APCDD1L: variants seen among roughly 807,000 people sequenced by gnomAD.
APCDD1L encodes protein APCDD1-like.
APCDD1L carries 21 observed loss-of-function variants against 24.2 expected under a neutral mutation model. The ratio of observed to expected loss-of-function variants is 0.87; its 90% CI spans 0.61 to 1.25. The LOEUF is 1.25. Among genes scored for constraint, APCDD1L ranks in the 50% most tolerant of loss-of-function variants. The probability of loss-of-function intolerance (pLI) is 0.00; values close to 1 mark genes in which losing one functional copy is unlikely to be tolerated. For missense variants in APCDD1L, 704 were observed against 711.7 expected, an observed-to-expected ratio of 0.99 and a Z score of 0.12; for synonymous variants, 321 against 323.6, an observed-to-expected ratio of 0.99 and a Z score of 0.09.
rs560237850 is a variant in APCDD1L, at chr20:58,461,398, G to A, written c.898C>T (p.Arg300Trp). ...CTGTGCCCGTGGAAAGTGAAGAGCC[G>A]GGTGAGGAACAGGACTGCTGGGCGC... ...EVRPAVLFLT[R>W]LFTFHGHSRS... is the part of the protein sequence containing the mutation. Residue 300 changes from arginine to tryptophan, a missense_variant, in exon 4 of 4, where the codon CGG (arginine) becomes TGG (tryptophan). By Grantham distance (101) the Arg-to-Trp change is moderately radical. Coordinates refer to ENST00000371149, the MANE Select transcript of APCDD1L (RefSeq NM_153360.3). The surrounding 1 kb of genome is among the most constrained non-coding windows in gnomAD (Gnocchi z 6.0). 1.5e-5 allele frequency: 23 copies of A among 1,553,790 alleles called. No individual in the cohort carries two copies. Among genetic ancestry groups the A allele is most frequent in the Middle Eastern group, 1.8e-4 (1 of 5,656 alleles).
chr20:58,470,044 G>A (rs1989781933), intron 2 of APCDD1L, among the ~76,000 whole-genome samples: 1 of 152,218 alleles, frequency 6.6e-6, no homozygotes, highest in Non-Finnish European at 1.5e-5. Flanking sequence ...AGGTTAGACA[G>A]AATTAGATGG....
At chr20:58,465,554 A>G (rs1225135383) in intron 3 of APCDD1L, among the ~76,000 whole-genome samples, 1 of 152,226 alleles carries the variant, frequency 6.6e-6, no homozygotes, top group African/African-American at 2.4e-5. Context: ...GAACACATCC[A>G]TCCATCCACA....
chr20:58,498,845 C>A (rs1444402213), intron 1 of APCDD1L, among the ~76,000 whole-genome samples: 1 of 152,240 alleles, frequency 6.6e-6, no homozygotes, highest in Non-Finnish European at 1.5e-5. Context: ...CATCTGCAGC[C>A]CCTGGCACTG....
chr20:58,467,095 C>G lies in APCDD1L; in HGVS notation c.741+11G>C. ...CACCCCCCTCTCCCACACCCCAACACACACACTCACCAGTGCGCTCTGCAG... is the reference window on the plus strand; with the variant it reads ...CACCCCCCTCTCCCACACCCCAACAGACACACTCACCAGTGCGCTCTGCAG... On this transcript the variant is annotated intron_variant, in intron 3 of 3. Transcript: ENST00000371149. The surrounding 1 kb of genome is among the most constrained non-coding windows in gnomAD (Gnocchi z 5.9). 1 of 1,594,196 alleles carries G rather than the reference C, an allele frequency of 6.3e-7. No homozygotes were observed. The highest frequency in any genetic ancestry group is 8.5e-7 in the Non-Finnish European group (1 of 1,173,612).
At chr20:58,509,421 AC>A (rs1266369142) in intron 1 of APCDD1L, among the ~76,000 whole-genome samples, 1 of 152,052 alleles carries the variant, frequency 6.6e-6, no homozygotes, top group Non-Finnish European at 1.5e-5. Flanking sequence ...TCTTAGCTAT[AC>A]CCCTGCCTAG....
chr20:58,492,779 C>T (rs1018002297), intron 1 of APCDD1L, among the ~76,000 whole-genome samples: 1 of 152,370 alleles, frequency 6.6e-6, no homozygotes, highest in Middle Eastern at 3.4e-3. Flanking sequence ...AACACATACA[C>T]ATGCACTCAC....
chr20:58,487,325 A>G (rs1468621021), intron 1 of APCDD1L, among the ~76,000 whole-genome samples: 1 of 152,064 alleles, frequency 6.6e-6, no homozygotes, highest in East Asian at 1.9e-4. Flanking sequence ...TGCTAAAATA[A>G]TAGAAGCATT....
intron 2 of APCDD1L, among the ~76,000 whole-genome samples, 161 bp downstream of exon 2, chr20:58,470,448 G>A (rs1451102623): frequency 6.6e-6 from 1 of 152,208 alleles, no homozygotes; most frequent in Non-Finnish European, 1.5e-5. Context: ...GCCTCCCATT[G>A]CACTCTGGGA....
At chr20:58,475,773 G>C (rs1221652445) in intron 1 of APCDD1L, among the ~76,000 whole-genome samples, 1 of 152,142 alleles carries the variant, frequency 6.6e-6, no homozygotes, top group East Asian at 1.9e-4. Flanking sequence ...CAAGGTGTGG[G>C]TAGGGCCTCT....
chr20:58,510,900 A>G (rs1007947453), intron 1 of APCDD1L, among the ~76,000 whole-genome samples: 1 of 152,204 alleles, frequency 6.6e-6, no homozygotes, highest in Non-Finnish European at 1.5e-5. Flanking sequence ...AAGGAGACAG[A>G]TGCTAAGTGA....
chr20:58,460,488 G>A lies in APCDD1L; in HGVS notation c.*302C>T. 3.9e-6 allele frequency: 1 copy of A among 254,602 alleles called. No individual in the cohort carries two copies. The highest frequency in any genetic ancestry group is 7.5e-6 in the Non-Finnish European group (1 of 133,844). The allele number at this position is 254,602 out of a possible 1,614,324, so 15.8% of individuals were successfully genotyped here. On this transcript the variant is annotated 3_prime_UTR_variant, in exon 4 of 4. Coordinates refer to ENST00000371149, the MANE Select transcript of APCDD1L (RefSeq NM_153360.3). The surrounding 1 kb of genome is among the most constrained non-coding windows in gnomAD (Gnocchi z 4.2). ...CCCTGACTGCACCTGTTGGCGAGCT[G>A]CCAAGGATGAGGAAAGTAGAAAAAT...
chr20:58,511,114 T>C (rs1365716674), intron 1 of APCDD1L, among the ~76,000 whole-genome samples: 4 of 152,200 alleles, frequency 2.6e-5, no homozygotes, highest in Admixed American at 2.6e-4. Flanking sequence ...GCTATCACCA[T>C]TCCCAACACA....
Position 58,494,138 on chromosome 20 carries a change from T to TGAG in APCDD1L, c.49+20518_49+20520dup, listed in dbSNP as rs1464436027. 6.6e-6 allele frequency among the ~76,000 whole-genome samples: 1 copy of TGAG among 151,980 alleles called. No individual in the cohort carries two copies. Among genetic ancestry groups the TGAG allele is most frequent in the Non-Finnish European group, 1.5e-5 (1 of 67,962 alleles). On this transcript the variant is annotated intron_variant, in intron 1 of 3. Transcript: ENST00000371149. This position sits in a 1 kb window ranked among gnomAD's most constrained non-coding sequence, Gnocchi z 4.8. The stretch of plus-strand genomic sequence containing the variant: ...CTCATCACCTTCATGTTGAGTAGGC[T>TGAG]GAGGAGGAGGAGGAAGAGGAGGGGC...
At chr20:58,483,390 G>A (rs138952823) in intron 1 of APCDD1L, among the ~76,000 whole-genome samples, 226 of 152,190 alleles carry the variant, frequency 1.5e-3, no homozygotes, top group African/African-American at 5.2e-3. Context: ...TGTTTTCTAC[G>A]CTGGCTGTGC....
In APCDD1L at chr20:58,467,350, C is replaced by T. The variant is rs1473344087; in HGVS notation, c.497G>A (p.Arg166Gln). 2.7e-6 allele frequency: 4 copies of T among 1,481,336 alleles called. No homozygotes were observed. Among genetic ancestry groups the T allele is most frequent in the South Asian group, 1.3e-5 (1 of 76,018 alleles). 91.8% of individuals were successfully genotyped at this position (1,481,336 alleles called of 1,614,324 possible). ...GTACAGCGCCCCAGGCAGCCAGGCC[C>T]GGGCCGGAGGCAGCCGCCGCGCGCA... ...RDCARRLPPARAWLPGALYEL... is the reference protein window; with the variant it reads ...RDCARRLPPAQAWLPGALYEL... Residue 166 changes from arginine (R) to glutamine (Q), a missense_variant, in exon 3 of 4, where the codon CGG becomes CAG. Coordinates refer to ENST00000371149, the MANE Select transcript of APCDD1L (RefSeq NM_153360.3). This position sits in a 1 kb window ranked among gnomAD's most constrained non-coding sequence, Gnocchi z 5.9.
At chr20:58,470,984 C>G (rs1159996029) in intron 1 of APCDD1L, among the ~76,000 whole-genome samples, 1 of 152,188 alleles carries the variant, frequency 6.6e-6, no homozygotes, top group African/African-American at 2.4e-5. Flanking sequence ...TGTGATCACC[C>G]TAGAATCCAA....
At chr20:58,486,216 A>G (rs1278386854) in intron 1 of APCDD1L, among the ~76,000 whole-genome samples, 1 of 152,238 alleles carries the variant, frequency 6.6e-6, no homozygotes, top group Non-Finnish European at 1.5e-5. Flanking sequence ...AAAGTAAAAC[A>G]TGGAATTTAA....
intron 1 of APCDD1L, among the ~76,000 whole-genome samples, chr20:58,473,192 T>C (rs1330542423): frequency 6.6e-6 from 1 of 152,148 alleles, no homozygotes; most frequent in East Asian, 1.9e-4. Flanking sequence ...TCCACAAAAC[T>C]TGGGCTCTTG....
At chr20:58,472,522 G>T (rs893219471) in intron 1 of APCDD1L, among the ~76,000 whole-genome samples, 1 of 152,234 alleles carries the variant, frequency 6.6e-6, no homozygotes, top group Non-Finnish European at 1.5e-5. Context: ...TGGAGACGGG[G>T]TAAAACGCAG....
Sources: gnomAD v4.1 joint callset for allele counts (sites outside exome capture counted in the v4.1 genomes callset) on GRCh38, gnomAD v4.1.1 for gene constraint, Gnocchi (gnomAD v3.1) non-coding constraint, MANE v1.5 for transcripts, NCBI Gene and HGNC (gene_info 2026-07-23, HGNC 2026-07-21) for gene names.